The following HCK variants were observed in gnomAD, a reference collection of about 807,000 sequenced individuals.
HCK encodes tyrosine-protein kinase HCK.
Under a neutral mutation model 70.4 loss-of-function variants are expected in HCK, and 40 were observed. That is an observed-to-expected ratio of 0.57 (90% confidence interval 0.44 to 0.74). The LOEUF (loss-of-function observed/expected upper bound fraction) is 0.74, where lower values mean the gene tolerates loss of function less well. Ranked by LOEUF, HCK falls within the 30% of genes least tolerant of loss-of-function variation. The pLI is 0.00. For synonymous variants in HCK, 245 were observed against 263.2 expected, an observed-to-expected ratio of 0.93 and a Z score of 0.67; for missense variants, 568 against 697.2, an observed-to-expected ratio of 0.81 and a Z score of 2.09.
intron 12 of HCK, 109 bp downstream of exon 12, chr20:32,099,244 T>G (rs1360234523): frequency 1.8e-6 from 2 of 1,136,260 alleles, no homozygotes; most frequent in Non-Finnish European, 2.5e-6. Context: ...ACCCCCAACC[T>G]TCCCTCACCT....
chr20:32,079,084 G>T (rs2045671531), intron 5 of HCK, among the ~76,000 whole-genome samples: 1 of 152,220 alleles, frequency 6.6e-6, no homozygotes. Flanking sequence ...CCTCACCCCA[G>T]TGAAGGTGGG....
intron 10 of HCK, among the ~76,000 whole-genome samples, chr20:32,091,970 C>G (rs2045869509): frequency 6.6e-6 from 1 of 151,308 alleles, no homozygotes; most frequent in African/African-American, 2.4e-5. Context: ...AGAGCAAGGC[C>G]CTGTCTCAAA....
Position 32,071,779 on chromosome 20 carries a change from G to T in HCK, c.180G>T (p.Lys60Asn), listed in dbSNP as rs754061875. The change falls in exon 2 of 13, where the codon AAG becomes AAT. Residue 60 changes from lysine (K) to asparagine (N), a missense_variant. Coordinates refer to ENST00000375852, the MANE Select transcript of HCK (RefSeq NM_002110.5). ...TGCCGGATCCCACATCCACCATCAA[G>T]CCGGTGAGTAGGGGAGGTCCCAGTT... 5.6e-6 allele frequency: 9 copies of T among 1,613,710 alleles called. No individual in the cohort carries two copies. The Admixed American group carries it at 1.3e-4, about 24-fold the overall frequency.
chr20:32,070,918 G>T (rs902349172), intron 1 of HCK, among the ~76,000 whole-genome samples: 9 of 145,558 alleles, frequency 6.2e-5, no homozygotes, highest in Non-Finnish European at 1.4e-4. Context: ...GACAGAGGAG[G>T]GGGAAGGAGG....
At chr20:32,088,720 A>C (rs149546072) in intron 10 of HCK, 76 bp downstream of exon 10, 1 of 1,045,122 alleles carries the variant, frequency 9.6e-7, no homozygotes, top group East Asian at 2.4e-5. Flanking sequence ...TACTGACCAC[A>C]TACTATGATG....
At chr20:32,068,757 T>G (rs560182042) in intron 1 of HCK, among the ~76,000 whole-genome samples, 53 of 151,138 alleles carry the variant, frequency 3.5e-4, no homozygotes, top group African/African-American at 1.2e-3. Context: ...GCCCCCCCTC[T>G]CTGCCCCCTG....
intron 11 of HCK, among the ~76,000 whole-genome samples, chr20:32,098,033 A>ATATTTTATTT (rs112064933): frequency 6.7e-6 from 1 of 148,844 alleles, no homozygotes; most frequent in Non-Finnish European, 1.5e-5. Context: ...CTATTTTTTT[A>ATATTTTATTT]TATTTTATTT....
chr20:32,084,440 C>T lies in HCK; in HGVS notation c.732C>T (p.Ser244=), dbSNP rs776964661. The T allele has an allele frequency of 3.1e-6, 5 of 1,614,120 alleles. No homozygotes were observed. In the Admixed American group the frequency reaches 6.7e-5, roughly 22 times the overall value. Residue 244 remains serine (S), a synonymous_variant, in exon 8 of 13, where the codon TCC becomes TCT. Coordinates refer to ENST00000375852, the MANE Select transcript of HCK (RefSeq NM_002110.5). ...AACTGTCGGTGCCCTGCATGTCTTC[C>T]AAGCCCCAGAAGCCTTGGGAGAAAG...
chr20:32,084,238 C>T (rs1440946840), intron 7 of HCK, among the ~76,000 whole-genome samples, 153 bp from the exon 8 acceptor site: 2 of 152,142 alleles, frequency 1.3e-5, no homozygotes, highest in African/African-American at 4.8e-5. Flanking sequence ...GGTGGCACCC[C>T]GTCACACTCT....
intron 6 of HCK, among the ~76,000 whole-genome samples, chr20:32,081,627 G>A (rs2045710636): frequency 1.3e-5 from 2 of 152,188 alleles, no homozygotes; most frequent in Admixed American, 6.5e-5. Flanking sequence ...GCTTTCATGT[G>A]GCTAGGATAA....
intron 10 of HCK, among the ~76,000 whole-genome samples, chr20:32,091,503 C>A (rs2045863166): frequency 6.6e-6 from 1 of 152,170 alleles, no homozygotes; most frequent in African/African-American, 2.4e-5. Flanking sequence ...TATAAATAAG[C>A]TATGATGCCT....
intron 5 of HCK, among the ~76,000 whole-genome samples, chr20:32,078,880 G>A (rs6087815): frequency 0.35 from 39,117 of 110,952 alleles, 8,911 homozygotes; most frequent in African/African-American, 0.62. Context: ...AAAAAAAAAA[G>A]GGGGGGAATG....
intron 8 of HCK, 62 bp from the exon 9 acceptor site, chr20:32,086,566 C>T: frequency 1.4e-6 from 2 of 1,429,082 alleles, no homozygotes. Flanking sequence ...GCTGGGCCTT[C>T]TAGGGTGGTA....
chr20:32,052,359 C>G lies in HCK; in HGVS notation c.-66C>G, dbSNP rs895413866. On this transcript the variant is annotated 5_prime_UTR_variant, in exon 1 of 13. Transcript: ENST00000375852. ...CACCAAAGCCCCTCAGAGCGTCGCC[C>G]CCGCCTCTAGTTCTAGAAAGTCAGT... 5.1e-6 allele frequency: 6 copies of G among 1,169,496 alleles called. No individual in the cohort carries two copies. The Middle Eastern group carries it at 6.4e-4, about 125-fold the overall frequency. 72.4% of individuals were successfully genotyped at this position (1,169,496 alleles called of 1,614,324 possible). A position where few individuals can be genotyped will look rare whatever the true frequency, so the allele number is the denominator to read the frequency against.
rs771503154 is a variant in HCK at position 32,073,772 on chromosome 20, G to A, written c.283G>A (p.Glu95Lys). 16 of 1,556,026 alleles carry A rather than the reference G, an allele frequency of 1.0e-5. No homozygotes were observed. The highest frequency in any genetic ancestry group is 2.4e-5 in the East Asian group (1 of 41,484). The stretch of plus-strand genomic sequence containing the variant: ...GTATGATTACGAGGCCATTCACCAC[G>A]AAGACCTCAGCTTCCAGAAGGGGGA... The change falls in exon 4 of 13, where the codon GAA (glutamate) becomes AAA (lysine). Residue 95 changes from glutamate (E) to lysine (K), a missense_variant. Coordinates refer to ENST00000375852, the MANE Select transcript of HCK (RefSeq NM_002110.5).
Position 32,052,294 on chromosome 20 carries a change from G to A in HCK, c.-131G>A. On this transcript the variant is annotated 5_prime_UTR_variant, in exon 1 of 13. Coordinates refer to ENST00000375852, the MANE Select transcript of HCK (RefSeq NM_002110.5). ...CACATCAGAGGCTTAGAGGCGAGTG[G>A]GAAGGGACTCAGACAGTGCAGGACG... 2 of 611,342 alleles carry A rather than the reference G, an allele frequency of 3.3e-6. No individual in the cohort carries two copies. Among genetic ancestry groups the A allele is most frequent in the Non-Finnish European group, 4.9e-6 (2 of 405,772 alleles). 37.9% of individuals were successfully genotyped at this position (611,342 alleles called of 1,614,324 possible).
intron 1 of HCK, among the ~76,000 whole-genome samples, chr20:32,071,070 A>G (rs923009396): frequency 6.6e-6 from 1 of 152,180 alleles, no homozygotes; most frequent in Non-Finnish European, 1.5e-5. Context: ...TGTTTGAGCC[A>G]TGTTATGTGA....
intron 1 of HCK, among the ~76,000 whole-genome samples, chr20:32,062,056 C>T (rs1458707527): frequency 4.0e-5 from 6 of 151,312 alleles, no homozygotes; most frequent in Admixed American, 1.3e-4. Flanking sequence ...TCTCCTGCCT[C>T]AGCCTCCTAA....
chr20:32,084,667 A>C, intron 8 of HCK, 124 bp downstream of exon 8: 1 of 855,564 alleles, frequency 1.2e-6, no homozygotes, highest in Non-Finnish European at 1.8e-6. Flanking sequence ...AGATTTAAAT[A>C]ATAGCCATAA....
Sources: allele counts gnomAD v4.1 joint callset (sites outside exome capture counted in the v4.1 genomes callset), GRCh38; gene constraint gnomAD v4.1.1; transcripts MANE v1.5; gene names NCBI Gene and HGNC (gene_info 2026-07-23, HGNC 2026-07-21).